Variants in SLC9A1 observed in about 807,000 individuals in gnomAD.
The protein encoded by SLC9A1 is sodium/hydrogen exchanger 1.
In SLC9A1, 22 loss-of-function variants were observed where a neutral mutation model predicts 67.9. That is an observed-to-expected ratio of 0.32 (90% CI 0.23 to 0.46). SLC9A1 has a LOEUF of 0.46. Ranked by LOEUF, SLC9A1 falls within the 20% of genes least tolerant of loss-of-function variation. The probability of loss-of-function intolerance (pLI) is 1.00; values close to 1 mark genes in which losing one functional copy is unlikely to be tolerated. For synonymous variants in SLC9A1, 421 were observed against 471.8 expected (o/e 0.89, Z 1.40); for missense variants, 686 against 1,094.8 (o/e 0.63, Z 5.27).
intron 1 of SLC9A1, among the ~76,000 whole-genome samples, chr1:27,140,361 C>T (rs762861002): frequency 3.3e-5 from 5 of 152,172 alleles, no homozygotes; most frequent in African/African-American, 9.7e-5. Context: ...AACTAAAGAA[C>T]GAGCTCAGAC....
rs1219168115 is a variant in SLC9A1 at position 27,152,880 on chromosome 1, CA to C, written c.352+1102del. Among the ~76,000 whole-genome samples, 3 of 152,296 alleles carry C rather than the reference CA, an allele frequency of 2.0e-5. No individual in the cohort carries two copies. In the East Asian group the frequency reaches 5.8e-4, roughly 29 times the overall value. On this transcript the variant is annotated intron_variant, in intron 1 of 11. Coordinates refer to ENST00000263980, the MANE Select transcript of SLC9A1 (RefSeq NM_003047.5). ...AGGTTTCCTGCCAAATTCCCAAACC[CA>C]AATCTCAGGCAGAGGGGACAGCAGA...
At chr1:27,126,920 A>T (rs2083348342) in intron 1 of SLC9A1, among the ~76,000 whole-genome samples, 1 of 152,224 alleles carries the variant, frequency 6.6e-6, no homozygotes, top group Non-Finnish European at 1.5e-5. Flanking sequence ...GGCACCAAGA[A>T]GGCCTGGCAG....
chr1:27,128,921 T>G (rs967075827), intron 1 of SLC9A1, among the ~76,000 whole-genome samples: 1 of 152,044 alleles, frequency 6.6e-6, no homozygotes, highest in African/African-American at 2.4e-5. Flanking sequence ...CCTCACGCCA[T>G]TGCACTCCAG....
chr1:27,125,661 C>A (rs959924507), intron 1 of SLC9A1, among the ~76,000 whole-genome samples: 2 of 152,026 alleles, frequency 1.3e-5, no homozygotes, highest in African/African-American at 4.8e-5. Context: ...GTGGCGCAAT[C>A]TTGGCTCATT....
At chr1:27,146,893 TG>T (rs1338066063) in intron 1 of SLC9A1, among the ~76,000 whole-genome samples, 2 of 152,140 alleles carry the variant, frequency 1.3e-5, no homozygotes, top group Admixed American at 1.3e-4. Flanking sequence ...CCCAGCACTT[TG>T]GGGGGCCGGG....
chr1:27,128,213 C>T (rs191864394), intron 1 of SLC9A1, among the ~76,000 whole-genome samples: 1 of 152,276 alleles, frequency 6.6e-6, no homozygotes, highest in East Asian at 1.9e-4. Flanking sequence ...TAAATCTTAA[C>T]TTCTCTGTGA....
At position 27,109,714 on chromosome 1, in the gene SLC9A1, G is replaced by A; in HGVS notation, c.877C>T (p.Leu293Phe). 1.2e-6 allele frequency: 2 copies of A among 1,614,092 alleles called. No homozygotes were observed. The highest frequency in any genetic ancestry group is 1.7e-6 in the Non-Finnish European group (2 of 1,180,030). Residue 293 changes from leucine (L) to phenylalanine (F), a missense_variant, in exon 3 of 12, where the codon CTC becomes TTC. By Grantham distance (22) the Leu-to-Phe change is conservative. Around this residue, in one of 7 missense-constraint regions of SLC9A1, gnomAD observed 58 missense variants for 68.9 expected, o/e 0.84. Coordinates refer to ENST00000263980, the MANE Select transcript of SLC9A1 (RefSeq NM_003047.5). This position sits in a 1 kb window ranked among gnomAD's most constrained non-coding sequence, Gnocchi z 5.5. Reference sequence around the variant, plus strand: ...ACCACGAAGAAGCTCAGGAAGCCGAGGAAGATGTCCACGATGCCCACGTGT... The same window carrying A: ...ACCACGAAGAAGCTCAGGAAGCCGAAGAAGATGTCCACGATGCCCACGTGT... ...YEHVGIVDIF[L>F]GFLSFFVVAL...
intron 1 of SLC9A1, among the ~76,000 whole-genome samples, chr1:27,123,869 C>G (rs911865010): frequency 6.7e-6 from 1 of 148,656 alleles, no homozygotes; most frequent in African/African-American, 2.5e-5. Flanking sequence ...CACAGTCACC[C>G]AGGCTGGAGG....
At chr1:27,110,474 G>A (rs954214430) in intron 2 of SLC9A1, among the ~76,000 whole-genome samples, 9 of 152,200 alleles carry the variant, frequency 5.9e-5, no homozygotes, top group African/African-American at 2.2e-4. Flanking sequence ...CAGATGCTAT[G>A]GAATTAGAGG....
intron 1 of SLC9A1, among the ~76,000 whole-genome samples, chr1:27,130,931 T>C (rs2083379849): frequency 6.6e-6 from 1 of 152,216 alleles, no homozygotes; most frequent in Non-Finnish European, 1.5e-5. Flanking sequence ...GCTGAGAGGT[T>C]GCCTGCCTGC....
intron 1 of SLC9A1, among the ~76,000 whole-genome samples, chr1:27,143,046 TAAAAAAAAAAA>T (rs55970751): frequency 1.0e-5 from 1 of 98,462 alleles, no homozygotes; most frequent in Non-Finnish European, 2.0e-5. Context: ...ATCAACTGTG[TAAAAAAAAAAA>T]AAAAAAAAAA....
At chr1:27,153,276 C>T (rs2083542831) in intron 1 of SLC9A1, among the ~76,000 whole-genome samples, 1 of 152,150 alleles carries the variant, frequency 6.6e-6, no homozygotes, top group South Asian at 2.1e-4. Flanking sequence ...ACCTCCTCTA[C>T]TCTCCCTCCA....
intron 1 of SLC9A1, among the ~76,000 whole-genome samples, chr1:27,150,517 G>A (rs1030516053): frequency 2.4e-4 from 37 of 152,270 alleles, no homozygotes; most frequent in Admixed American, 1.7e-3. Context: ...GAGTTCATGC[G>A]GGGTCCACAG....
chr1:27,140,840 C>A (rs2083449058), intron 1 of SLC9A1, among the ~76,000 whole-genome samples: 1 of 152,132 alleles, frequency 6.6e-6, no homozygotes, highest in Non-Finnish European at 1.5e-5. Context: ...GGAGAAATGG[C>A]ACAGGACTTG....
chr1:27,113,609 G>A (rs964088032), intron 2 of SLC9A1, among the ~76,000 whole-genome samples: 1 of 152,164 alleles, frequency 6.6e-6, no homozygotes, highest in Non-Finnish European at 1.5e-5. Context: ...GTCTCCCCTG[G>A]AAAATGAGAA....
In SLC9A1 at chr1:27,109,867, C is replaced by T. The variant is rs1041589237; in HGVS notation, c.814-90G>A. On this transcript the variant is annotated intron_variant, in intron 2 of 11. Coordinates refer to ENST00000263980, the MANE Select transcript of SLC9A1 (RefSeq NM_003047.5). The surrounding 1 kb of genome is among the most constrained non-coding windows in gnomAD (Gnocchi z 5.5). ...CCACCCAGGGCAATCCTGTCCCCTC[C>T]GTTAACCATGGCCACAAGAAGAGGC... 1.0e-4 allele frequency: 152 copies of T among 1,455,248 alleles called. No homozygotes were observed. Among genetic ancestry groups the T allele is most frequent in the Non-Finnish European group, 1.3e-4 (138 of 1,059,674 alleles). The allele number at this position is 1,455,248 out of a possible 1,614,324, so 90.1% of individuals were successfully genotyped here.
chr1:27,150,934 C>A (rs1002233001), intron 1 of SLC9A1, among the ~76,000 whole-genome samples: 2 of 152,144 alleles, frequency 1.3e-5, no homozygotes, highest in Non-Finnish European at 2.9e-5. Flanking sequence ...GAACTCCTAC[C>A]CACGCAGGGG....
intron 1 of SLC9A1, among the ~76,000 whole-genome samples, chr1:27,126,614 T>G (rs917015936): frequency 1.3e-5 from 2 of 152,144 alleles, no homozygotes; most frequent in African/African-American, 2.4e-5. Context: ...CTGGTTGGTC[T>G]GTCTCCCCCT....
chr1:27,130,247 C>T (rs2083375697), intron 1 of SLC9A1, among the ~76,000 whole-genome samples: 1 of 152,126 alleles, frequency 6.6e-6, no homozygotes, highest in African/African-American at 2.4e-5. Flanking sequence ...ATTACAGGCG[C>T]CCGCCACCAC....
Sources: gnomAD v4.1 joint callset for allele counts (sites outside exome capture counted in the v4.1 genomes callset) on GRCh38, gnomAD v4.1.1 for gene constraint, gnomAD v4.1.1 regional missense constraint, Gnocchi (gnomAD v3.1) non-coding constraint, MANE v1.5 for transcripts, NCBI Gene and HGNC (gene_info 2026-07-23, HGNC 2026-07-21) for gene names.